The following MID1 variants were observed in gnomAD, a reference collection of about 807,000 sequenced individuals.
MID1 encodes the protein E3 ubiquitin-protein ligase Midline-1.
A neutral mutation model predicts 40.4 loss-of-function variants in MID1; 7 were observed. The ratio of observed to expected loss-of-function variants is 0.17; its 90% CI spans 0.10 to 0.33. MID1 has a LOEUF of 0.33. Ranked by LOEUF, MID1 falls within the 10% of genes least tolerant of loss-of-function variation. MID1 has a pLI of 1.00. For synonymous variants in MID1, 229 were observed against 221.2 expected, an observed-to-expected ratio of 1.04 and a Z score of -0.31; for missense variants, 367 against 558.5, an observed-to-expected ratio of 0.66 and a Z score of 3.46.
chrX:10,795,774 G>A (rs1389644076), intron 1 of MID1, among the ~76,000 whole-genome samples: 2 of 112,389 alleles, frequency 1.8e-5, no homozygotes, highest in Admixed American at 9.5e-5. Context: ...AGCAAGAGCA[G>A]AACTAGCCCT....
intron 1 of MID1, among the ~76,000 whole-genome samples, chrX:10,793,226 A>G (rs1447709041): frequency 8.9e-6 from 1 of 112,655 alleles, no homozygotes; most frequent in Non-Finnish European, 1.9e-5. Flanking sequence ...TTGCTTGGAC[A>G]TCAAATGATT....
intron 1 of MID1, among the ~76,000 whole-genome samples, chrX:10,588,721 C>T (rs1935197830): frequency 9.0e-6 from 1 of 110,512 alleles, no homozygotes; most frequent in African/African-American, 3.3e-5. Flanking sequence ...CTGCCAGCCG[C>T]TTATGCTGCT....
chrX:10,715,249 T>A (rs926316865), intron 1 of MID1, among the ~76,000 whole-genome samples: 19 of 112,235 alleles, frequency 1.7e-4, no homozygotes, highest in African/African-American at 6.1e-4. Context: ...GGGCGAGGCA[T>A]CACCTCACCC....
At chrX:10,523,040 A>G in intron 3 of MID1, 52 bp downstream of exon 3, 1 of 855,084 alleles carries the variant, frequency 1.2e-6, no homozygotes, top group Non-Finnish European at 1.7e-6. Context: ...CAAAACCTTG[A>G]TCTGGCAGTT....
intron 1 of MID1, among the ~76,000 whole-genome samples, chrX:10,828,977 T>C (rs1419989920): frequency 8.9e-6 from 1 of 112,281 alleles, no homozygotes; most frequent in East Asian, 2.8e-4. Flanking sequence ...CTGAGAAGTT[T>C]AAAATGTCTT....
chrX:10,795,145 C>G (rs751818891), intron 1 of MID1, among the ~76,000 whole-genome samples: 6 of 111,749 alleles, frequency 5.4e-5, no homozygotes, highest in East Asian at 2.8e-4. Context: ...CCTTCTCCCC[C>G]CAAAATGTGA....
At chrX:10,742,078 G>T (rs757860332) in intron 1 of MID1, among the ~76,000 whole-genome samples, 1 of 110,125 alleles carries the variant, frequency 9.1e-6, no homozygotes, top group East Asian at 2.9e-4. Context: ...CCCCTCCCTC[G>T]CCCCACCTCT....
intron 1 of MID1, among the ~76,000 whole-genome samples, chrX:10,762,590 C>T (rs1382722829): frequency 9.1e-6 from 1 of 110,325 alleles, no homozygotes; most frequent in African/African-American, 3.3e-5. Context: ...CATGCCACTA[C>T]ACCTGGCTAA....
At chrX:10,744,902 T>A (rs1345100352) in intron 1 of MID1, among the ~76,000 whole-genome samples, 8 of 111,990 alleles carry the variant, frequency 7.1e-5, no homozygotes, top group Non-Finnish European at 1.5e-4. Context: ...ACCAGGCTGA[T>A]CAGAATCCTG....
At chrX:10,831,287 TATGG>T (rs1157917181) in intron 1 of MID1, among the ~76,000 whole-genome samples, 1 of 112,136 alleles carries the variant, frequency 8.9e-6, no homozygotes, top group African/African-American at 3.2e-5. Context: ...CCATACTTCA[TATGG>T]TGCACACTAT....
chrX:10,775,316 G>T (rs771965576), intron 1 of MID1, among the ~76,000 whole-genome samples: 1 of 111,455 alleles, frequency 9.0e-6, no homozygotes, highest in East Asian at 2.8e-4. Flanking sequence ...AGTTAATTGG[G>T]TGGGAAGGGA....
intron 1 of MID1, among the ~76,000 whole-genome samples, chrX:10,730,737 A>G (rs1489622118): frequency 2.8e-5 from 3 of 108,759 alleles, no homozygotes; most frequent in Non-Finnish European, 5.7e-5. Flanking sequence ...ACGCCCGGCT[A>G]ATTTTTTGTA....
At chrX:10,517,023 T>G (rs893743091) in intron 3 of MID1, among the ~76,000 whole-genome samples, 1 of 110,685 alleles carries the variant, frequency 9.0e-6, no homozygotes, top group African/African-American at 3.3e-5. Context: ...GTGGCAGGGG[T>G]GGGGAGAGTT....
chrX:10,753,404 G>A (rs1473747044), intron 1 of MID1, among the ~76,000 whole-genome samples: 1 of 110,572 alleles, frequency 9.0e-6, no homozygotes, highest in Non-Finnish European at 1.9e-5. Context: ...AGCAAATTCA[G>A]GTCTCAGTGC....
At chrX:10,454,164 A>G (rs1928515016) in intron 9 of MID1, among the ~76,000 whole-genome samples, 1 of 111,748 alleles carries the variant, frequency 8.9e-6, no homozygotes. Context: ...TTCTTAGAGA[A>G]CTCAGTGGGC....
chrX:10,485,436 C>G (rs995311646), intron 4 of MID1, among the ~76,000 whole-genome samples: 2 of 112,169 alleles, frequency 1.8e-5, no homozygotes, highest in African/African-American at 3.2e-5. Context: ...GATACTGACA[C>G]ATAAAAAGAT....
intron 1 of MID1, among the ~76,000 whole-genome samples, chrX:10,758,918 A>G (rs1288106122): frequency 8.9e-6 from 1 of 112,254 alleles, no homozygotes; most frequent in African/African-American, 3.2e-5. Context: ...TCAATTTAAC[A>G]AGCAAATGAA....
intron 1 of MID1, among the ~76,000 whole-genome samples, chrX:10,599,404 A>T (rs1602456599): frequency 8.9e-6 from 1 of 112,048 alleles, no homozygotes; most frequent in East Asian, 2.8e-4. Context: ...GGCTGCTCAA[A>T]GATTATGTAA....
At chrX:10,728,031 T>C (rs1467309557) in intron 1 of MID1, among the ~76,000 whole-genome samples, 1 of 112,525 alleles carries the variant, frequency 8.9e-6, no homozygotes, top group African/African-American at 3.2e-5. Context: ...ATTTGTATTA[T>C]TGAGTGGTTC....
Sources: allele counts gnomAD v4.1 joint callset (sites outside exome capture counted in the v4.1 genomes callset), GRCh38; gene constraint gnomAD v4.1.1; transcripts MANE v1.5; gene names NCBI Gene and HGNC (gene_info 2026-07-23, HGNC 2026-07-21).